ADRA1B: variants seen among roughly 807,000 people sequenced by gnomAD.
The protein encoded by ADRA1B is alpha-1B adrenergic receptor.
A neutral mutation model predicts 17.9 loss-of-function variants in ADRA1B; 17 were observed. The observed-to-expected ratio is 0.95, with a 90% CI of 0.65 to 1.42. The LOEUF (loss-of-function observed/expected upper bound fraction) is 1.42, where lower values mean the gene tolerates loss of function less well. Ranked by LOEUF, ADRA1B falls within the 40% of genes most tolerant of loss-of-function variation. The probability of loss-of-function intolerance (pLI) is 0.00; values close to 1 mark genes in which losing one functional copy is unlikely to be tolerated. For synonymous variants in ADRA1B, 366 were observed against 327.6 expected, an observed-to-expected ratio of 1.12 and a Z score of -1.27; for missense variants, 681 against 722.1, an observed-to-expected ratio of 0.94 and a Z score of 0.65.
chr5:159,960,663 G>A lies in ADRA1B; in HGVS notation c.950-11216G>A, dbSNP rs539037295. Among the ~76,000 whole-genome samples the A allele has an allele frequency of 2.1e-3, 315 of 146,854 alleles. 1 individual carries two copies. The highest frequency in any genetic ancestry group is 3.4e-3 in the Non-Finnish European group (226 of 67,382). ...AGGCCAGTCTGGCCTGGGCAACATA[G>A]CAAGTTCAGATCCAGCCTGGGCAAT... On this transcript the variant is annotated intron_variant, in intron 1 of 1. Transcript: ENST00000306675.
At chr5:159,901,625 G>C (rs1199830932) in intron 1 of ADRA1B, among the ~76,000 whole-genome samples, 1 of 152,130 alleles carries the variant, frequency 6.6e-6, no homozygotes, top group African/African-American at 2.4e-5. Flanking sequence ...GTTCATCTCA[G>C]CTCTTCTCAG....
the ADRA1B span, among the ~76,000 whole-genome samples, chr5:159,979,692 A>T: frequency 6.6e-6 from 1 of 152,010 alleles, no homozygotes; most frequent in East Asian, 1.9e-4. Flanking sequence ...ACATGGTGAA[A>T]CCCCATCTCT....
chr5:159,914,815 G>A (rs1393761489), upstream of ADRA1B, among the ~76,000 whole-genome samples: 5 of 152,220 alleles, frequency 3.3e-5, no homozygotes, highest in African/African-American at 1.2e-4. Flanking sequence ...CAAGTATCAA[G>A]AGCAGAAGGT....
intron 1 of ADRA1B, among the ~76,000 whole-genome samples, chr5:159,889,827 GTC>G (rs1753962759): frequency 6.6e-6 from 1 of 152,158 alleles, no homozygotes; most frequent in South Asian, 2.1e-4. Context: ...TAGAATAACT[GTC>G]TGTTGCTTGC....
chr5:159,889,299 T>C (rs1753957937), intron 1 of ADRA1B, among the ~76,000 whole-genome samples: 1 of 152,158 alleles, frequency 6.6e-6, no homozygotes, highest in Admixed American at 6.5e-5. Flanking sequence ...TTCTCCATAG[T>C]TCTCCAATTC....
At chr5:159,883,867 A>T (rs1252269938) in intron 1 of ADRA1B, among the ~76,000 whole-genome samples, 1 of 152,208 alleles carries the variant, frequency 6.6e-6, no homozygotes, top group African/African-American at 2.4e-5. Context: ...GGAGTTTATG[A>T]CATCAGACAG....
intron 1 of ADRA1B, among the ~76,000 whole-genome samples, chr5:159,921,186 C>T (rs1754468998): frequency 6.6e-6 from 1 of 152,182 alleles, no homozygotes; most frequent in African/African-American, 2.4e-5. Context: ...CTCTCCCCAC[C>T]TGGGACATCC....
At chr5:159,966,144 A>C in intron 1 of ADRA1B, among the ~76,000 whole-genome samples, 1 of 152,218 alleles carries the variant, frequency 6.6e-6, no homozygotes, top group Middle Eastern at 3.2e-3. Flanking sequence ...AACAGGCACA[A>C]AACTGGAAAG....
chr5:159,959,658 T>A (rs897895714), intron 1 of ADRA1B, among the ~76,000 whole-genome samples: 2 of 152,200 alleles, frequency 1.3e-5, no homozygotes, highest in Non-Finnish European at 2.9e-5. Context: ...TTAACCAGTA[T>A]TGTCAAGTTA....
chr5:159,921,090 C>A (rs770452761), intron 1 of ADRA1B, among the ~76,000 whole-genome samples: 3 of 152,106 alleles, frequency 2.0e-5, no homozygotes, highest in Non-Finnish European at 2.9e-5. Context: ...TTCAGGGGCC[C>A]CATTTGTTTT....
intron 1 of ADRA1B, 132 bp downstream of exon 1, chr5:159,917,986 GT>G (rs1462830501): frequency 1.4e-5 from 12 of 864,386 alleles, no homozygotes; most frequent in Non-Finnish European, 2.1e-5. Context: ...GAATAATATT[GT>G]TTGTTCTGCA....
the ADRA1B span, among the ~76,000 whole-genome samples, chr5:159,978,654 A>G: frequency 6.6e-6 from 1 of 152,230 alleles, no homozygotes; most frequent in South Asian, 2.1e-4. Flanking sequence ...CAGATAAGCT[A>G]TCTTTGGAGA....
At chr5:159,937,812 G>C (rs1175785004) in intron 1 of ADRA1B, 1 of 152,226 alleles carries the variant, frequency 6.6e-6, no homozygotes, top group African/African-American at 2.4e-5. Flanking sequence ...AGGATGAAAA[G>C]AAACAGAACA....
At chr5:159,933,608 A>G (rs745562567) in intron 1 of ADRA1B, among the ~76,000 whole-genome samples, 6 of 152,234 alleles carry the variant, frequency 3.9e-5, no homozygotes, top group Non-Finnish European at 7.3e-5. Context: ...AGGGCTAGCT[A>G]GCTGCCCTGT....
downstream of ADRA1B, among the ~76,000 whole-genome samples, chr5:159,973,671 G>A (rs1044300714): frequency 6.6e-6 from 1 of 152,178 alleles, no homozygotes; most frequent in African/African-American, 2.4e-5. Flanking sequence ...CTGGAAAAAA[G>A]CACTGAGGAA....
At chr5:159,977,628 T>C (rs1292364687), downstream of ADRA1B, among the ~76,000 whole-genome samples, 1 of 152,230 alleles carries the variant, frequency 6.6e-6, no homozygotes, top group Non-Finnish European at 1.5e-5. Context: ...CACTTTTTTC[T>C]TTAGCTTCCC....
At chr5:159,898,276 A>G (rs1041573826) in intron 1 of ADRA1B, among the ~76,000 whole-genome samples, 4 of 152,332 alleles carry the variant, frequency 2.6e-5, no homozygotes, top group East Asian at 3.9e-4. Flanking sequence ...TTCCCTGTGA[A>G]CACAGAGAGC....
intron 1 of ADRA1B, among the ~76,000 whole-genome samples, chr5:159,964,673 A>G (rs1755741688): frequency 6.6e-6 from 1 of 152,200 alleles, no homozygotes; most frequent in Non-Finnish European, 1.5e-5. Context: ...AAATATAGGA[A>G]TGTTGCCCAC....
chr5:159,946,823 G>A (rs1755285651), intron 1 of ADRA1B, among the ~76,000 whole-genome samples: 2 of 152,152 alleles, frequency 1.3e-5, no homozygotes, highest in African/African-American at 2.4e-5. Flanking sequence ...GAATCATCTG[G>A]AATCCAATGG....
Sources: allele counts gnomAD v4.1 joint callset (sites outside exome capture counted in the v4.1 genomes callset), GRCh38; gene constraint gnomAD v4.1.1; transcripts MANE v1.5; gene names NCBI Gene and HGNC (gene_info 2026-07-23, HGNC 2026-07-21).